The following MAOB variants were observed in gnomAD, a reference collection of about 807,000 sequenced individuals.
MAOB encodes the protein amine oxidase [flavin-containing] B.
MAOB carries 15 observed loss-of-function variants against 41.9 expected under a neutral mutation model. The observed-to-expected ratio is 0.36, with a 90% CI of 0.24 to 0.55. The LOEUF (loss-of-function observed/expected upper bound fraction) is 0.55, where lower values mean the gene tolerates loss of function less well. Ranked by LOEUF, MAOB falls within the 20% of genes least tolerant of loss-of-function variation. The pLI, the probability that MAOB is intolerant of heterozygous loss-of-function variation, is 0.86. For missense variants in MAOB, 345 were observed against 398.7 expected (o/e 0.87, Z 1.15); for synonymous variants, 167 against 144.2 (o/e 1.16, Z -1.13).
chrX:43,863,679 C>T (rs2035347798), intron 1 of MAOB, among the ~76,000 whole-genome samples: 1 of 111,619 alleles, frequency 9.0e-6, no homozygotes, highest in South Asian at 3.7e-4. Flanking sequence ...GATCAACTTT[C>T]TTTGTAAATT....
intron 3 of MAOB, among the ~76,000 whole-genome samples, chrX:43,823,828 A>G (rs2034911997): frequency 8.9e-6 from 1 of 111,856 alleles, no homozygotes; most frequent in African/African-American, 3.3e-5. Context: ...GATCTGTACC[A>G]TTTGGACCCA....
intron 8 of MAOB, among the ~76,000 whole-genome samples, chrX:43,787,151 G>A (rs906264563): frequency 2.7e-5 from 3 of 111,162 alleles, no homozygotes; most frequent in Non-Finnish European, 3.8e-5. Flanking sequence ...GGTAGTAGAA[G>A]AAATTTCCCC....
Position 43,835,536 on chromosome X carries a change from C to T in MAOB, c.279+3332G>A, listed in dbSNP as rs143577389. On this transcript the variant is annotated intron_variant, in intron 3 of 14. Coordinates refer to ENST00000378069, the MANE Select transcript of MAOB (RefSeq NM_000898.5). ...TTTATGAAGTTGTCTTTGGAAAACCCTACTTTAACAACATATAACAGATCT... is the reference window on the plus strand; with the variant it reads ...TTTATGAAGTTGTCTTTGGAAAACCTTACTTTAACAACATATAACAGATCT... Among the ~76,000 whole-genome samples, 1,099 of 111,943 alleles carry T rather than the reference C, an allele frequency of 9.8e-3. 8 individuals carry two copies. Among genetic ancestry groups the T allele is most frequent in the African/African-American group, 0.033 (1,027 of 30,802 alleles).
intron 1 of MAOB, among the ~76,000 whole-genome samples, chrX:43,852,861 C>A (rs1285900336): frequency 1.8e-5 from 2 of 110,882 alleles, no homozygotes; most frequent in African/African-American, 3.3e-5. Flanking sequence ...AGAGTGATAT[C>A]CAAAACATGA....
chrX:43,869,880 T>C (rs2035389476), intron 1 of MAOB, among the ~76,000 whole-genome samples: 1 of 112,104 alleles, frequency 8.9e-6, no homozygotes, highest in South Asian at 3.7e-4. Context: ...ATTGCTCTAA[T>C]ATAAATGTTC....
chrX:43,842,616 T>A (rs1241397041), intron 2 of MAOB, among the ~76,000 whole-genome samples: 1 of 112,460 alleles, frequency 8.9e-6, no homozygotes, highest in Non-Finnish European at 1.9e-5. Context: ...AAGAGATATC[T>A]GCACACCCAT....
At chrX:43,879,316 T>A (rs1164051565) in intron 1 of MAOB, among the ~76,000 whole-genome samples, 1 of 112,289 alleles carries the variant, frequency 8.9e-6, no homozygotes, top group Non-Finnish European at 1.9e-5. Context: ...CCAAAGGGAG[T>A]GATTAAAATT....
rs778356814 is a variant in MAOB at position 43,775,070 on chromosome X, T to G, written c.1235+105A>C. 832 of 895,891 alleles carry G rather than the reference T, an allele frequency of 9.3e-4. 2 individuals carry two copies. Among genetic ancestry groups the G allele is most frequent in the Non-Finnish European group, 9.6e-4 (695 of 726,079 alleles). 73.8% of individuals were successfully genotyped at this position (895,891 alleles called of 1,213,427 possible). A position where few individuals can be genotyped will look rare whatever the true frequency, so the allele number is the denominator to read the frequency against. On this transcript the variant is annotated intron_variant, in intron 12 of 14. Coordinates refer to ENST00000378069, the MANE Select transcript of MAOB (RefSeq NM_000898.5). Reference sequence around the variant, plus strand: ...AAATTGGGTTGTTTTTTTTTTTTTTTTTTGTATTTATAAGAAACAAGGGAG... The same window carrying G: ...AAATTGGGTTGTTTTTTTTTTTTTTGTTTGTATTTATAAGAAACAAGGGAG...
intron 12 of MAOB, among the ~76,000 whole-genome samples, chrX:43,769,773 C>T (rs2034158557): frequency 9.0e-6 from 1 of 111,567 alleles, no homozygotes; most frequent in South Asian, 3.8e-4. Context: ...ATACATGCCC[C>T]CAATTCCCCA....
rs190188592 is a variant in MAOB, at chrX:43,795,473, A to G, written c.768+266T>C. ...TCCTTATGTAGGCACAATTGATTAA[A>G]TCATTGGCCTCTGGTGATCAATTCA... On this transcript the variant is annotated intron_variant, in intron 7 of 14. Transcript: ENST00000378069. 1.2e-3 allele frequency among the ~76,000 whole-genome samples: 135 copies of G among 110,972 alleles called. 1 individual carries two copies. The highest frequency in any genetic ancestry group is 3.8e-3 in the African/African-American group (116 of 30,471).
At position 43,843,652 on chromosome X, in the gene MAOB, G is replaced by A. The variant is rs368346202; in HGVS notation, c.141+18C>T. 3.8e-5 allele frequency: 46 copies of A among 1,197,245 alleles called. No individual in the cohort carries two copies. The South Asian group carries it at 4.3e-4, about 11-fold the overall frequency. On this transcript the variant is annotated intron_variant, in intron 2 of 14. Transcript: ENST00000378069. Reference sequence around the variant, plus strand: ...AGCTTCAGTCCCACATTTGTCCTCCGGATTCTTAATGCCTTACCCTAAGAG... The same window carrying A: ...AGCTTCAGTCCCACATTTGTCCTCCAGATTCTTAATGCCTTACCCTAAGAG...
chrX:43,816,795 A>T (rs894622081), intron 3 of MAOB, among the ~76,000 whole-genome samples: 1 of 111,955 alleles, frequency 8.9e-6, no homozygotes, highest in Non-Finnish European at 1.9e-5. Context: ...TTTGGATTCC[A>T]GTGGCATTGG....
intron 3 of MAOB, among the ~76,000 whole-genome samples, chrX:43,816,867 G>A (rs1427588301): frequency 2.7e-5 from 3 of 111,207 alleles, no homozygotes; most frequent in Non-Finnish European, 5.7e-5. Context: ...CCAGGCTGGT[G>A]GTTGCTAGGC....
intron 14 of MAOB, 41 bp downstream of exon 14, chrX:43,768,613 G>C: frequency 9.1e-7 from 1 of 1,098,514 alleles, no homozygotes; most frequent in Non-Finnish European, 1.3e-6. Context: ...AATGGGTTTA[G>C]AGAAAAGATA....
chrX:43,810,611 AG>A lies in MAOB; in HGVS notation c.280-7208del, dbSNP rs139577436. Among the ~76,000 whole-genome samples the A allele has an allele frequency of 1.7e-3, 194 of 111,611 alleles. 1 individual carries two copies. The Middle Eastern group carries it at 0.019, about 11-fold the overall frequency. ...TTAAAGTATAATAATAATAAAAAAA[AG>A]AATGTAAAAAAGTTAGAGGCTCTGG... On this transcript the variant is annotated intron_variant, in intron 3 of 14. Coordinates refer to ENST00000378069, the MANE Select transcript of MAOB (RefSeq NM_000898.5).
At chrX:43,802,541 T>A (rs972569377) in intron 4 of MAOB, among the ~76,000 whole-genome samples, 1 of 112,157 alleles carries the variant, frequency 8.9e-6, no homozygotes, top group East Asian at 2.8e-4. Context: ...ATGTTGTAAC[T>A]GGGCTATTTC....
rs2034520809 is a variant in MAOB, at chrX:43,795,827, T to C, written c.680A>G (p.Asp227Gly). Residue 227 changes from aspartate (D) to glycine (G), a missense_variant, in exon 7 of 15, where the codon GAC becomes GGC. Asp to Gly is a moderately conservative substitution (Grantham distance 94). Coordinates refer to ENST00000378069, the MANE Select transcript of MAOB (RefSeq NM_000898.5). Reference sequence around the variant, plus strand: ...CACAGGCCTCTCCAGCTTCACTCGGTCTCCAAGGAGGTCCATTATCCGCTC... The same window carrying C: ...CACAGGCCTCTCCAGCTTCACTCGGCCTCCAAGGAGGTCCATTATCCGCTC... The part of the protein sequence containing the change: ...VSERIMDLLG[D>G]RVKLERPVIY... 1 of 1,208,384 alleles carries C rather than the reference T, an allele frequency of 8.3e-7. No homozygotes were observed. The highest frequency in any genetic ancestry group is 1.1e-6 in the Non-Finnish European group (1 of 893,932).
chrX:43,797,511 C>T (rs1453505000), intron 5 of MAOB, among the ~76,000 whole-genome samples: 1 of 112,107 alleles, frequency 8.9e-6, no homozygotes, highest in Non-Finnish European at 1.9e-5. Context: ...TCTGTGCTTT[C>T]ATGATTTCTC....
At chrX:43,799,758 A>T (rs2034569826) in intron 5 of MAOB, among the ~76,000 whole-genome samples, 1 of 111,932 alleles carries the variant, frequency 8.9e-6, no homozygotes, top group Non-Finnish European at 1.9e-5. Context: ...ATACATACAC[A>T]TTATATAAAA....
Sources: allele counts gnomAD v4.1 joint callset (sites outside exome capture counted in the v4.1 genomes callset), GRCh38; gene constraint gnomAD v4.1.1; transcripts MANE v1.5; gene names NCBI Gene and HGNC (gene_info 2026-07-23, HGNC 2026-07-21).